RAB3B: variants seen among roughly 807,000 people sequenced by gnomAD.
The protein encoded by RAB3B is RAB3B, member RAS oncogene family.
RAB3B carries 11 observed loss-of-function variants against 20.5 expected under a neutral mutation model. The ratio of observed to expected loss-of-function variants is 0.54; its 90% CI spans 0.34 to 0.89. The LOEUF (loss-of-function observed/expected upper bound fraction) is 0.89. Ranked by LOEUF, RAB3B falls within the 40% of genes least tolerant of loss-of-function variation. The pLI is 0.02. For missense variants in RAB3B, 225 were observed against 280.9 expected (o/e 0.80, Z 1.42); for synonymous variants, 99 against 106.3 (o/e 0.93, Z 0.42).
intron 4 of RAB3B, among the ~76,000 whole-genome samples, chr1:51,924,482 G>A (rs1684216903): frequency 6.6e-6 from 1 of 152,144 alleles, no homozygotes; most frequent in African/African-American, 2.4e-5. Flanking sequence ...CAACAGGCAG[G>A]GGAGACAGCA....
intron 2 of RAB3B, among the ~76,000 whole-genome samples, chr1:51,957,748 G>A (rs973060400): frequency 1.3e-5 from 2 of 152,156 alleles, no homozygotes; most frequent in Non-Finnish European, 2.9e-5. Flanking sequence ...TGGTGAGCTA[G>A]AGCTGTAGGA....
At chr1:51,964,784 T>C (rs1684825996) in intron 2 of RAB3B, among the ~76,000 whole-genome samples, 1 of 152,204 alleles carries the variant, frequency 6.6e-6, no homozygotes, top group Admixed American at 6.5e-5. Context: ...CTCTCACTAC[T>C]ACCGCTACTA....
At chr1:51,958,743 A>C (rs1684745928) in intron 2 of RAB3B, among the ~76,000 whole-genome samples, 1 of 151,768 alleles carries the variant, frequency 6.6e-6, no homozygotes, top group African/African-American at 2.4e-5. Flanking sequence ...AAAAAAGAAA[A>C]GAAAGTGGCC....
intron 4 of RAB3B, among the ~76,000 whole-genome samples, chr1:51,932,567 C>G (rs935794730): frequency 6.6e-6 from 1 of 152,214 alleles, no homozygotes; most frequent in Non-Finnish European, 1.5e-5. Flanking sequence ...GAGCTACATA[C>G]TCAAACCACA....
intron 1 of RAB3B, among the ~76,000 whole-genome samples, chr1:51,986,675 T>C (rs1455699275): frequency 6.6e-6 from 1 of 152,162 alleles, no homozygotes; most frequent in Non-Finnish European, 1.5e-5. Context: ...TACCGTACTG[T>C]ACTTGCCATA....
intron 1 of RAB3B, among the ~76,000 whole-genome samples, chr1:51,988,421 T>G (rs1289981458): frequency 6.6e-6 from 1 of 152,236 alleles, no homozygotes; most frequent in East Asian, 1.9e-4. Flanking sequence ...CAAGATGCTT[T>G]CAAAGCATTC....
At chr1:51,950,042 G>T (rs1379333571) in intron 2 of RAB3B, among the ~76,000 whole-genome samples, 1 of 152,218 alleles carries the variant, frequency 6.6e-6, no homozygotes, top group Non-Finnish European at 1.5e-5. Context: ...ATCTCTCCCA[G>T]TGTGGCTGAG....
intron 2 of RAB3B, among the ~76,000 whole-genome samples, chr1:51,939,255 A>G (rs990873984): frequency 6.6e-6 from 1 of 152,180 alleles, no homozygotes; most frequent in African/African-American, 2.4e-5. Context: ...TATATAAAAC[A>G]TGTCCTCATA....
chr1:51,939,147 CAT>C (rs1684454563), intron 2 of RAB3B, among the ~76,000 whole-genome samples: 1 of 152,212 alleles, frequency 6.6e-6, no homozygotes, highest in Non-Finnish European at 1.5e-5. Flanking sequence ...TATCAGGGCA[CAT>C]TGGGATGCTT....
At chr1:51,955,552 C>T (rs1399948148) in intron 2 of RAB3B, among the ~76,000 whole-genome samples, 1 of 152,032 alleles carries the variant, frequency 6.6e-6, no homozygotes, top group East Asian at 1.9e-4. Flanking sequence ...TCACCACACC[C>T]AGCTACCCAG....
intron 4 of RAB3B, among the ~76,000 whole-genome samples, chr1:51,922,018 C>G (rs924125458): frequency 1.1e-4 from 17 of 152,182 alleles, no homozygotes; most frequent in African/African-American, 3.9e-4. Context: ...CTCCTGTGGC[C>G]CATCTCCTGA....
chr1:51,948,252 T>A (rs1299806348), intron 2 of RAB3B, among the ~76,000 whole-genome samples: 1 of 152,214 alleles, frequency 6.6e-6, no homozygotes, highest in Non-Finnish European at 1.5e-5. Context: ...CCAGGTCTTC[T>A]GTCTCCCAAC....
intron 2 of RAB3B, among the ~76,000 whole-genome samples, chr1:51,959,529 C>T (rs771240602): frequency 2.0e-5 from 3 of 151,880 alleles, no homozygotes; most frequent in Non-Finnish European, 4.4e-5. Context: ...GGAAGAGAAA[C>T]AAAAAGGAAA....
chr1:51,951,651 A>G (rs546487698), intron 2 of RAB3B, among the ~76,000 whole-genome samples: 4 of 152,262 alleles, frequency 2.6e-5, no homozygotes, highest in Admixed American at 2.6e-4. Flanking sequence ...GTTTCTACAA[A>G]AAATCAAAAA....
In RAB3B at chr1:51,932,657, G is replaced by A. The variant is rs958666233; in HGVS notation, c.472+661C>T. 2.6e-5 allele frequency among the ~76,000 whole-genome samples: 4 copies of A among 152,204 alleles called. No individual in the cohort carries two copies. The East Asian group carries it at 5.8e-4, about 22-fold the overall frequency. The stretch of plus-strand genomic sequence containing the variant: ...GCATGAATTTGCATTGAGATAAACT[G>A]TAAGAACAGCATATAAATACTCAGT... On this transcript the variant is annotated intron_variant, in intron 4 of 4. Coordinates refer to ENST00000371655, the MANE Select transcript of RAB3B (RefSeq NM_002867.4).
At chr1:51,990,428 C>A in intron 1 of RAB3B, 124 bp downstream of exon 1, 1 of 150,646 alleles carries the variant, frequency 6.6e-6, no homozygotes, top group East Asian at 2.0e-4. Flanking sequence ...TCCCTCGCTC[C>A]TCCCCCGGCT....
At chr1:51,947,215 GT>G (rs1684577141) in intron 2 of RAB3B, among the ~76,000 whole-genome samples, 2 of 152,092 alleles carry the variant, frequency 1.3e-5, no homozygotes, top group Non-Finnish European at 2.9e-5. Context: ...GGGCAATATG[GT>G]GAAACCTTGT....
At chr1:51,970,549 T>A (rs955996803) in intron 2 of RAB3B, among the ~76,000 whole-genome samples, 17 of 152,116 alleles carry the variant, frequency 1.1e-4, no homozygotes, top group Non-Finnish European at 8.8e-5. Context: ...ATTCCTATTG[T>A]GGGTGGCCCT....
At chr1:51,980,917 G>A (rs1393807575) in intron 1 of RAB3B, 1 of 455,108 alleles carries the variant, frequency 2.2e-6, no homozygotes, top group African/African-American at 2.0e-5. Flanking sequence ...TTAATACTAT[G>A]TTTTATTTGT....
Sources: allele counts gnomAD v4.1 joint callset (sites outside exome capture counted in the v4.1 genomes callset), GRCh38; gene constraint gnomAD v4.1.1; transcripts MANE v1.5; gene names NCBI Gene and HGNC (gene_info 2026-07-23, HGNC 2026-07-21).